The following CAMTA1 variants were observed in gnomAD, a reference collection of about 807,000 sequenced individuals.
CAMTA1 encodes the protein calmodulin binding transcription activator 1.
A neutral mutation model predicts 170.9 loss-of-function variants in CAMTA1; 27 were observed. That is an observed-to-expected ratio of 0.16 (90% CI 0.12 to 0.22). The LOEUF (loss-of-function observed/expected upper bound fraction) is 0.22. Among genes scored for constraint, CAMTA1 ranks in the 10% least tolerant of loss-of-function variants. The pLI is 1.00. For synonymous variants in CAMTA1, 833 were observed against 891.5 expected, an observed-to-expected ratio of 0.93 and a Z score of 1.17; for missense variants, 1,619 against 2,217.2, an observed-to-expected ratio of 0.73 and a Z score of 5.42.
chr1:7,687,785 C>T (rs969653776), intron 11 of CAMTA1, among the ~76,000 whole-genome samples: 2 of 152,120 alleles, frequency 1.3e-5, no homozygotes, highest in African/African-American at 2.4e-5. Context: ...CATGGCTCCC[C>T]GCTGGGGAGC....
chr1:7,517,789 C>T (rs1282017853), intron 6 of CAMTA1, among the ~76,000 whole-genome samples: 8 of 151,970 alleles, frequency 5.3e-5, no homozygotes, highest in East Asian at 1.9e-4. Flanking sequence ...TCAGTCCTGG[C>T]GATGTACTTT....
At chr1:7,418,339 G>C (rs1171009048) in intron 5 of CAMTA1, among the ~76,000 whole-genome samples, 1 of 152,128 alleles carries the variant, frequency 6.6e-6, no homozygotes, top group Non-Finnish European at 1.5e-5. Context: ...GGGATTACAG[G>C]TGCCCACCAC....
At chr1:7,020,727 G>T (rs1396277541) in intron 3 of CAMTA1, among the ~76,000 whole-genome samples, 2 of 152,206 alleles carry the variant, frequency 1.3e-5, no homozygotes, top group East Asian at 3.8e-4. Context: ...GCGATATGGG[G>T]CAAGATGATG....
intron 3 of CAMTA1, among the ~76,000 whole-genome samples, chr1:7,070,309 A>G (rs1482652102): frequency 6.6e-6 from 1 of 152,228 alleles, no homozygotes; most frequent in African/African-American, 2.4e-5. Flanking sequence ...ACGGGAATTC[A>G]TGAAGGAGCC....
intron 11 of CAMTA1, among the ~76,000 whole-genome samples, chr1:7,731,882 G>T (rs2096736292): frequency 6.6e-6 from 1 of 152,072 alleles, no homozygotes; most frequent in South Asian, 2.1e-4. Context: ...TCTCAAAAAA[G>T]GGTGTAACAG....
Position 7,160,909 on chromosome 1 carries a change from C to T in CAMTA1, c.302+69538C>T, listed in dbSNP as rs1205663139. Among the ~76,000 whole-genome samples, 5 of 152,284 alleles carry T rather than the reference C, an allele frequency of 3.3e-5. No homozygotes were observed. In the South Asian group the frequency reaches 6.2e-4, roughly 19 times the overall value. On this transcript the variant is annotated intron_variant, in intron 4 of 22. Coordinates refer to ENST00000303635, the MANE Select transcript of CAMTA1 (RefSeq NM_015215.4). ...GCTCCAATCAGTCAGTTGGTCCAGT[C>T]ATTCACCACTTGTGTTGACTGTACC...
intron 6 of CAMTA1, among the ~76,000 whole-genome samples, chr1:7,485,639 C>T (rs1239237830): frequency 1.3e-5 from 2 of 152,184 alleles, no homozygotes; most frequent in East Asian, 1.9e-4. Context: ...TCCAGGAGAG[C>T]CCCTCCCACT....
At chr1:7,151,176 G>A (rs565380208) in intron 4 of CAMTA1, among the ~76,000 whole-genome samples, 2 of 152,346 alleles carry the variant, frequency 1.3e-5, no homozygotes, top group East Asian at 1.9e-4. Context: ...CTCTCCCTTG[G>A]CCAGCGCTGG....
At chr1:7,404,667 T>C (rs572808444) in intron 5 of CAMTA1, among the ~76,000 whole-genome samples, 1 of 152,302 alleles carries the variant, frequency 6.6e-6, no homozygotes, top group African/African-American at 2.4e-5. Context: ...CCAGGAGTCC[T>C]GCTGAGGGCT....
intron 3 of CAMTA1, among the ~76,000 whole-genome samples, chr1:6,948,187 G>A (rs919188308): frequency 2.0e-5 from 3 of 152,210 alleles, no homozygotes; most frequent in African/African-American, 7.2e-5. Flanking sequence ...GTGTGTTACA[G>A]CCGAAGAGCT....
rs184965359 is a variant in CAMTA1, at chr1:7,570,023, C to T, written c.511-70377C>T. Among the ~76,000 whole-genome samples the T allele has an allele frequency of 1.4e-4, 22 of 152,290 alleles. No individual in the cohort carries two copies. The highest frequency in any genetic ancestry group is 7.8e-4 in the Admixed American group (12 of 15,300). ...CTAAAATCATGTGTCCATTTCCCTGCCTTATTAAAGACTGTATCAATTTAA... is the reference window on the plus strand; with the variant it reads ...CTAAAATCATGTGTCCATTTCCCTGTCTTATTAAAGACTGTATCAATTTAA... On this transcript the variant is annotated intron_variant, in intron 6 of 22. Coordinates refer to ENST00000303635, the MANE Select transcript of CAMTA1 (RefSeq NM_015215.4). The surrounding 1 kb of genome is among the most constrained non-coding windows in gnomAD (Gnocchi z 4.3).
intron 3 of CAMTA1, among the ~76,000 whole-genome samples, chr1:7,055,626 C>G (rs545667374): frequency 1.3e-5 from 2 of 152,334 alleles, no homozygotes; most frequent in South Asian, 4.2e-4. Flanking sequence ...GGATGGAGAC[C>G]TGGCCTCGAG....
chr1:7,660,054 T>C (rs1229272022), intron 7 of CAMTA1, among the ~76,000 whole-genome samples: 2 of 152,194 alleles, frequency 1.3e-5, no homozygotes, highest in African/African-American at 4.8e-5. Context: ...CATAGTGAGA[T>C]CCTTGTCTCT....
chr1:7,136,682 A>G (rs998722393), intron 4 of CAMTA1, among the ~76,000 whole-genome samples: 3 of 152,182 alleles, frequency 2.0e-5, no homozygotes, highest in Non-Finnish European at 4.4e-5. Flanking sequence ...CTCTGTGGGA[A>G]AAGCTCTTGT....
intron 22 of CAMTA1, among the ~76,000 whole-genome samples, chr1:7,760,927 C>T (rs2096970181): frequency 6.6e-6 from 1 of 152,216 alleles, no homozygotes; most frequent in Non-Finnish European, 1.5e-5. Context: ...CTTTGCCTTA[C>T]GCTTTACCCA....
At chr1:6,871,299 T>C (rs1668342736) in intron 3 of CAMTA1, among the ~76,000 whole-genome samples, 2 of 152,244 alleles carry the variant, frequency 1.3e-5, no homozygotes, top group South Asian at 4.1e-4. Context: ...TGTATCACTT[T>C]ATTGCTGTCT....
rs2095992883 is a variant in CAMTA1 at position 7,665,437 on chromosome 1, G to A, written c.2652+238G>A. On this transcript the variant is annotated intron_variant, in intron 9 of 22. Coordinates refer to ENST00000303635, the MANE Select transcript of CAMTA1 (RefSeq NM_015215.4). This position sits in a 1 kb window ranked among gnomAD's most constrained non-coding sequence, Gnocchi z 4.3. ...TTTAAAGTCAGGGGGTCTTTGGCCG[G>A]GTGCCATGGCTCAAACCTGTAATCC... Among the ~76,000 whole-genome samples the A allele has an allele frequency of 6.6e-6, 1 of 152,168 alleles. No individual in the cohort carries two copies. Among genetic ancestry groups the A allele is most frequent in the African/African-American group, 2.4e-5 (1 of 41,434 alleles).
chr1:7,671,577 G>C (rs1244332677), intron 10 of CAMTA1, among the ~76,000 whole-genome samples: 1 of 152,204 alleles, frequency 6.6e-6, no homozygotes, highest in Non-Finnish European at 1.5e-5. Context: ...AGGGAGATGG[G>C]GTGGTGATGG....
At chr1:7,327,908 G>A (rs1040866581) in intron 5 of CAMTA1, among the ~76,000 whole-genome samples, 1 of 151,928 alleles carries the variant, frequency 6.6e-6, no homozygotes, top group African/African-American at 2.4e-5. Context: ...TTTCAAGATT[G>A]TTTTGCTGAA....
Sources: allele counts gnomAD v4.1 joint callset (sites outside exome capture counted in the v4.1 genomes callset), GRCh38; gene constraint gnomAD v4.1.1; non-coding constraint Gnocchi (gnomAD v3.1); transcripts MANE v1.5; gene names NCBI Gene and HGNC (gene_info 2026-07-23, HGNC 2026-07-21).